The following PAM variants were observed in gnomAD, a reference collection of about 807,000 sequenced individuals.
PAM encodes peptidyl-glycine alpha-amidating monooxygenase.
Under a neutral mutation model 122.1 loss-of-function variants are expected in PAM, and 72 were observed. The observed-to-expected ratio is 0.59, with a 90% CI of 0.49 to 0.72. The LOEUF (loss-of-function observed/expected upper bound fraction) is 0.72. PAM is among the 30% of genes least tolerant of loss of function. PAM has a pLI of 0.00. For synonymous variants in PAM, 389 were observed against 404.4 expected (o/e 0.96, Z 0.46); for missense variants, 1,106 against 1,183.7 (o/e 0.93, Z 0.96).
At chr5:102,790,748 A>C (rs1248811783) in intron 1 of PAM, among the ~76,000 whole-genome samples, 2 of 152,130 alleles carry the variant, frequency 1.3e-5, no homozygotes, top group Non-Finnish European at 2.9e-5. Flanking sequence ...ATAAGAAGTC[A>C]CATAATTTTA....
intron 1 of PAM, among the ~76,000 whole-genome samples, chr5:102,764,819 C>G (rs913422383): frequency 6.6e-6 from 1 of 152,112 alleles, no homozygotes; most frequent in Non-Finnish European, 1.5e-5. Context: ...TCTGTCTTGT[C>G]AATGACAATC....
Position 102,841,406 on chromosome 5 carries a change from T to TACACACACACACACACACAC in PAM, c.-373-24397_-373-24378dup, listed in dbSNP as rs35825092. ...CTGTTCATTCTCAAACACCTACAAA[T>TACACACACACACACACACAC]ACACACACACACACACACACACACA... is the stretch of plus-strand genomic sequence containing the variant. On this transcript the variant is annotated intron_variant, in intron 1 of 25. Coordinates refer to ENST00000438793, the MANE Select transcript of PAM (RefSeq NM_001177306.2). 2.2e-4 allele frequency among the ~76,000 whole-genome samples: 30 copies of TACACACACACACACACACAC among 138,538 alleles called. No individual in the cohort carries two copies. The East Asian group carries it at 4.7e-3, about 22-fold the overall frequency. The allele number at this position is 138,538 out of a possible 152,430, so 90.9% of individuals were successfully genotyped here.
chr5:102,842,547 T>A (rs1453202721), intron 1 of PAM, among the ~76,000 whole-genome samples: 1 of 152,198 alleles, frequency 6.6e-6, no homozygotes, highest in Admixed American at 6.5e-5. Flanking sequence ...GAACTTTAAG[T>A]CCGTTAAACC....
intron 1 of PAM, among the ~76,000 whole-genome samples, chr5:102,791,232 C>T (rs1334038542): frequency 6.6e-6 from 1 of 151,910 alleles, no homozygotes; most frequent in Non-Finnish European, 1.5e-5. Context: ...AAATAAATTT[C>T]TAGAAGTAAA....
intron 1 of PAM, among the ~76,000 whole-genome samples, chr5:102,813,217 A>C (rs1768508713): frequency 6.6e-6 from 1 of 152,222 alleles, no homozygotes; most frequent in African/African-American, 2.4e-5. Context: ...CCTTTGAGAG[A>C]AATCAGAGAT....
chr5:102,881,771 G>GT (rs1791183347), intron 3 of PAM, among the ~76,000 whole-genome samples: 3 of 149,772 alleles, frequency 2.0e-5, no homozygotes, highest in Non-Finnish European at 3.0e-5. Flanking sequence ...GGTGATTTCT[G>GT]AGACTTACCT....
chr5:102,858,144 T>A (rs1783128955), intron 1 of PAM, among the ~76,000 whole-genome samples: 1 of 152,262 alleles, frequency 6.6e-6, no homozygotes. Flanking sequence ...ACTGTTGTTA[T>A]GATTATTCTT....
intron 19 of PAM, among the ~76,000 whole-genome samples, chr5:103,007,224 T>C (rs1285288748): frequency 8.9e-6 from 1 of 111,998 alleles, no homozygotes; most frequent in Non-Finnish European, 1.8e-5. Flanking sequence ...CACACACACG[T>C]CTTGTAAGGA....
At chr5:102,770,278 G>T (rs1755375955) in intron 1 of PAM, among the ~76,000 whole-genome samples, 1 of 152,004 alleles carries the variant, frequency 6.6e-6, no homozygotes, top group Non-Finnish European at 1.5e-5. Context: ...GGAGTCTTTA[G>T]GTTTTTCCAA....
chr5:102,949,782 A>G, intron 10 of PAM, 120 bp from the exon 11 acceptor site: 2 of 690,306 alleles, frequency 2.9e-6, no homozygotes, highest in Non-Finnish European at 5.1e-6. Context: ...TTTTTAAGAT[A>G]CTCAGTCTTT....
At chr5:102,977,658 G>GCACGCA (rs1554149742) in intron 15 of PAM, among the ~76,000 whole-genome samples, 1 of 142,932 alleles carries the variant, frequency 7.0e-6, no homozygotes, top group Admixed American at 7.1e-5. Context: ...ATGCATGTGC[G>GCACGCA]CACACACACA....
At chr5:102,858,809 T>G (rs1783294811) in intron 1 of PAM, among the ~76,000 whole-genome samples, 1 of 152,186 alleles carries the variant, frequency 6.6e-6, no homozygotes, top group South Asian at 2.1e-4. Context: ...TGCAACAGTT[T>G]AAGTTATATT....
At chr5:102,813,137 A>C (rs1271585572) in intron 1 of PAM, among the ~76,000 whole-genome samples, 2 of 151,874 alleles carry the variant, frequency 1.3e-5, no homozygotes, top group Non-Finnish European at 1.5e-5. Context: ...TTTAATCTTT[A>C]AAACATTTTG....
At chr5:102,830,219 G>A (rs113793054) in intron 1 of PAM, among the ~76,000 whole-genome samples, 98 of 152,190 alleles carry the variant, frequency 6.4e-4, no homozygotes, top group Admixed American at 1.9e-3. Context: ...CCTGCATTGC[G>A]TCCCCATTTT....
At chr5:102,995,317 C>A (rs181208907) in intron 16 of PAM, among the ~76,000 whole-genome samples, 1 of 152,178 alleles carries the variant, frequency 6.6e-6, no homozygotes, top group Admixed American at 6.6e-5. Flanking sequence ...TTACCGGAGC[C>A]TTTTTCTTCC....
intron 1 of PAM, among the ~76,000 whole-genome samples, chr5:102,819,805 A>G (rs1409134485): frequency 2.0e-5 from 3 of 152,166 alleles, no homozygotes; most frequent in African/African-American, 7.2e-5. Flanking sequence ...CTGGATGGTT[A>G]TGCTATCATA....
intron 1 of PAM, among the ~76,000 whole-genome samples, chr5:102,846,068 T>C (rs1288145052): frequency 6.6e-6 from 1 of 152,196 alleles, no homozygotes; most frequent in East Asian, 1.9e-4. Context: ...TGAATTGTGC[T>C]GAATTATTTC....
At chr5:102,759,024 A>G (rs987828743) in intron 1 of PAM, among the ~76,000 whole-genome samples, 3 of 152,238 alleles carry the variant, frequency 2.0e-5, no homozygotes, top group East Asian at 1.9e-4. Context: ...CTGACATACA[A>G]TGGTATACAA....
At chr5:102,796,292 G>A (rs1228165020) in intron 1 of PAM, among the ~76,000 whole-genome samples, 4 of 152,122 alleles carry the variant, frequency 2.6e-5, no homozygotes, top group South Asian at 2.1e-4. Context: ...CAGGTTTGTC[G>A]GTCAATAGTC....
Sources: allele counts gnomAD v4.1 joint callset (sites outside exome capture counted in the v4.1 genomes callset), GRCh38; gene constraint gnomAD v4.1.1; transcripts MANE v1.5; gene names NCBI Gene and HGNC (gene_info 2026-07-23, HGNC 2026-07-21).